Variants in SLC67A1 observed in about 807,000 individuals in gnomAD.
The protein encoded by SLC67A1 is solute carrier family 67 member 1.
chr11:2,919,723 G>T, the SLC67A1 span: 1 of 403,474 alleles, frequency 2.5e-6, no homozygotes, highest in Non-Finnish European at 4.5e-6. Context: ...TGAGGCCAAA[G>T]TGCCCGCCTT....
chr11:2,908,370 C>A, the SLC67A1 span: 2 of 1,461,928 alleles, frequency 1.4e-6, no homozygotes, highest in East Asian at 2.4e-5. Context: ...CCCACAGTGA[C>A]CCAGGCCCCC....
the SLC67A1 span, among the ~76,000 whole-genome samples, chr11:2,923,797 G>A: frequency 1.3e-5 from 2 of 152,210 alleles, no homozygotes; most frequent in Non-Finnish European, 2.9e-5. The surrounding 1 kb of genome is among the most constrained non-coding windows in gnomAD (Gnocchi z 6.5). Context: ...CACGTCATGC[G>A]CAGACACCAC....
At chr11:2,924,996 CA>C in the SLC67A1 span, 1 of 1,597,414 alleles carries the variant, frequency 6.3e-7, no homozygotes, top group East Asian at 2.2e-5. The surrounding 1 kb of genome is among the most constrained non-coding windows in gnomAD (Gnocchi z 8.6). Flanking sequence ...TGACTACCCC[CA>C]TGCACCCCCC....
the SLC67A1 span, chr11:2,925,148 T>C: frequency 6.2e-7 from 1 of 1,613,814 alleles, no homozygotes. The surrounding 1 kb of genome is among the most constrained non-coding windows in gnomAD (Gnocchi z 6.5). Context: ...CTTGTCCTCC[T>C]GGTCCTCTGG....
At chr11:2,901,453 G>C in the SLC67A1 span, among the ~76,000 whole-genome samples, 6 of 152,268 alleles carry the variant, frequency 3.9e-5, no homozygotes, top group African/African-American at 1.4e-4. Flanking sequence ...ATTTGAGCCT[G>C]TGCCCAGCCC....
chr11:2,916,480 C>A, the SLC67A1 span: 2 of 662,798 alleles, frequency 3.0e-6, no homozygotes, highest in South Asian at 1.9e-5. Flanking sequence ...CCAGTCCCCA[C>A]TCTTTAGGCC....
chr11:2,901,362 C>G, the SLC67A1 span, among the ~76,000 whole-genome samples: 18 of 152,362 alleles, frequency 1.2e-4, no homozygotes, highest in Admixed American at 1.1e-3. Context: ...CTGCGATGTC[C>G]GTCCCACCCT....
the SLC67A1 span, among the ~76,000 whole-genome samples, chr11:2,905,287 A>C: frequency 6.6e-6 from 1 of 152,150 alleles, no homozygotes; most frequent in Non-Finnish European, 1.5e-5. Flanking sequence ...CAAAGGACCC[A>C]GCACAGCCCA....
the SLC67A1 span, chr11:2,922,200 C>T: frequency 1.2e-6 from 2 of 1,612,580 alleles, no homozygotes; most frequent in African/African-American, 1.3e-5. Flanking sequence ...TGGGCCTGGC[C>T]ATGGTGAGGG....
chr11:2,922,294 A>T, the SLC67A1 span: 7 of 1,486,472 alleles, frequency 4.7e-6, no homozygotes, highest in Non-Finnish European at 6.5e-6. Context: ...GCCCTTGGGG[A>T]CTCCTCCAGC....
At chr11:2,917,942 A>C in the SLC67A1 span, 1 of 1,497,200 alleles carries the variant, frequency 6.7e-7, no homozygotes, top group Admixed American at 1.8e-5. Flanking sequence ...AGGGGTGGGC[A>C]TTGGGACAAT....
the SLC67A1 span, chr11:2,916,572 G>T: frequency 1.4e-6 from 2 of 1,411,060 alleles, no homozygotes; most frequent in South Asian, 1.2e-5. Flanking sequence ...TGGCTGGGGC[G>T]CCTGGGCCCT....
the SLC67A1 span, among the ~76,000 whole-genome samples, chr11:2,900,692 C>CAAAAAAAAAAAAAAAAAAA: frequency 8.0e-4 from 48 of 59,630 alleles, no homozygotes; most frequent in Non-Finnish European, 1.1e-3. Flanking sequence ...GACTCCGTCT[C>CAAAAAAAAAAAAAAAAAAA]AAAAAAAAAA....
At chr11:2,907,635 T>C in the SLC67A1 span, among the ~76,000 whole-genome samples, 1 of 151,986 alleles carries the variant, frequency 6.6e-6, no homozygotes, top group South Asian at 2.1e-4. This position sits in a 1 kb window ranked among gnomAD's most constrained non-coding sequence, Gnocchi z 6.7. Flanking sequence ...ATGAAGCCCA[T>C]AATAAGTTAC....
the SLC67A1 span, chr11:2,915,146 A>G: frequency 1.0e-6 from 1 of 985,368 alleles, no homozygotes; most frequent in Non-Finnish European, 1.2e-6. Flanking sequence ...GTCCCACCTC[A>G]GAAATGAGGG....
chr11:2,918,348 C>T, the SLC67A1 span, among the ~76,000 whole-genome samples: 1 of 152,284 alleles, frequency 6.6e-6, no homozygotes, highest in Non-Finnish European at 1.5e-5. Context: ...CTGTGTGCTC[C>T]TCAGCTCTTA....
At chr11:2,920,576 A>G in the SLC67A1 span, 8 of 152,330 alleles carry the variant, frequency 5.3e-5, no homozygotes, top group East Asian at 5.8e-4. Context: ...CCTCGCAGGA[A>G]CTGGGCCTGG....
At chr11:2,920,392 G>T in the SLC67A1 span, 1 of 152,306 alleles carries the variant, frequency 6.6e-6, no homozygotes, top group Non-Finnish European at 1.5e-5. Context: ...AACAGGCTGC[G>T]CCCAGCTCAC....
chr11:2,903,707 C>T, the SLC67A1 span: 102,611 of 592,920 alleles, frequency 0.17, 10,078 homozygotes, highest in African/African-American at 0.21. Flanking sequence ...GTGCCAGCCC[C>T]GGGAGAAGCC....
Sources: gnomAD v4.1 joint callset for allele counts (sites outside exome capture counted in the v4.1 genomes callset) on GRCh38, gnomAD v4.1.1 for gene constraint, Gnocchi (gnomAD v3.1) non-coding constraint, MANE v1.5 for transcripts, NCBI Gene and HGNC (gene_info 2026-07-23, HGNC 2026-07-21) for gene names.